GPC6: variants seen among roughly 807,000 people sequenced by gnomAD.
The protein encoded by GPC6 is glypican 6, also known as glypican-6.
Under a neutral mutation model 55.2 loss-of-function variants are expected in GPC6, and 14 were observed. The ratio of observed to expected loss-of-function variants is 0.25; its 90% CI spans 0.17 to 0.40. The LOEUF is 0.40. Among genes scored for constraint, GPC6 ranks in the 10% least tolerant of loss-of-function variants. GPC6 has a pLI of 1.00. For missense variants in GPC6, 641 were observed against 708.5 expected, an observed-to-expected ratio of 0.90 and a Z score of 1.08; for synonymous variants, 278 against 259.6, an observed-to-expected ratio of 1.07 and a Z score of -0.68.
intron 1 of GPC6, among the ~76,000 whole-genome samples, chr13:93,322,322 G>A (rs1435914857): frequency 6.6e-6 from 1 of 151,076 alleles, no homozygotes; most frequent in Non-Finnish European, 1.5e-5. Context: ...AGGCCACAGT[G>A]TGTGTATATG....
chr13:94,035,391 T>G (rs138440941), intron 4 of GPC6, among the ~76,000 whole-genome samples: 2 of 152,170 alleles, frequency 1.3e-5, no homozygotes, highest in East Asian at 3.9e-4. Flanking sequence ...TATTCAAATT[T>G]TAGGAGATAA....
At chr13:94,089,889 G>C (rs1885420127) in intron 4 of GPC6, among the ~76,000 whole-genome samples, 1 of 151,588 alleles carries the variant, frequency 6.6e-6, no homozygotes, top group South Asian at 2.1e-4. Context: ...GAGATTGACT[G>C]TGTTGAAAAA....
At position 93,885,968 on chromosome 13, in the gene GPC6, T is replaced by C. The variant is rs182945662; in HGVS notation, c.711+55423T>C. Among the ~76,000 whole-genome samples the C allele has an allele frequency of 2.3e-3, 345 of 152,200 alleles. 6 individuals are homozygous for C. The highest frequency in any genetic ancestry group is 0.02 in the Admixed American group (300 of 15,250). ...ATTTGCTTTTAGTCGTGAGAAAATG[T>C]AGAGAAGGCACTGTGTTTTATTTCA... On this transcript the variant is annotated intron_variant, in intron 3 of 8. Transcript: ENST00000377047.
In GPC6 at chr13:94,155,058, T is replaced by C. The variant is rs541749900; in HGVS notation, c.877+127164T>C. On this transcript the variant is annotated intron_variant, in intron 4 of 8. Coordinates refer to ENST00000377047, the MANE Select transcript of GPC6 (RefSeq NM_005708.5). ...GTCCTTTAGTCCGGCTCCCTGGGGG[T>C]ACACCTCTAAATTATGCCTTCTAAC... Among the ~76,000 whole-genome samples, 90 of 152,116 alleles carry C rather than the reference T, an allele frequency of 5.9e-4. 1 individual carries two copies. Among genetic ancestry groups the C allele is most frequent in the Admixed American group, 2.7e-3 (41 of 15,256 alleles).
At chr13:93,332,606 T>C (rs1879892965) in intron 1 of GPC6, among the ~76,000 whole-genome samples, 1 of 152,176 alleles carries the variant, frequency 6.6e-6, no homozygotes, top group Admixed American at 6.5e-5. Context: ...ATATTCTTGT[T>C]ATTAATCTCT....
At chr13:93,868,301 C>A (rs1889031221) in intron 3 of GPC6, among the ~76,000 whole-genome samples, 1 of 151,704 alleles carries the variant, frequency 6.6e-6, no homozygotes, top group African/African-American at 2.4e-5. Flanking sequence ...TAGGATAAGA[C>A]CCTCAATCCT....
At chr13:93,342,381 A>T (rs1321222296) in intron 1 of GPC6, among the ~76,000 whole-genome samples, 4 of 152,198 alleles carry the variant, frequency 2.6e-5, no homozygotes, top group Non-Finnish European at 4.4e-5. Context: ...AAGGTGAAGG[A>T]GGAGCAAACC....
intron 3 of GPC6, among the ~76,000 whole-genome samples, chr13:93,883,132 G>A (rs1029384591): frequency 1.0e-4 from 15 of 150,556 alleles, no homozygotes; most frequent in Admixed American, 9.3e-4. Context: ...TGTTCAATAT[G>A]CACTGCTCAG....
chr13:93,372,938 A>G (rs1279263327), intron 1 of GPC6, among the ~76,000 whole-genome samples: 2 of 152,188 alleles, frequency 1.3e-5, no homozygotes, highest in Admixed American at 6.5e-5. Flanking sequence ...ATGGGTGACT[A>G]TAAACAAAAT....
chr13:93,600,027 G>T (rs891215331), intron 2 of GPC6, among the ~76,000 whole-genome samples: 1 of 152,054 alleles, frequency 6.6e-6, no homozygotes, highest in African/African-American at 2.4e-5. Context: ...GAACTTCCAG[G>T]GATAGGTTGT....
At chr13:94,235,097 G>A (rs1890841755) in intron 4 of GPC6, among the ~76,000 whole-genome samples, 1 of 151,930 alleles carries the variant, frequency 6.6e-6, no homozygotes, top group Non-Finnish European at 1.5e-5. Context: ...AATTTACGTT[G>A]GATATTTTTC....
intron 3 of GPC6, among the ~76,000 whole-genome samples, chr13:93,949,058 T>C (rs1879134158): frequency 6.6e-6 from 1 of 152,162 alleles, no homozygotes; most frequent in Non-Finnish European, 1.5e-5. Flanking sequence ...ACTTACCTCT[T>C]CTCCCAACTT....
rs181040956 is a variant in GPC6, at chr13:93,660,581, G to A, written c.319+115160G>A. 3.4e-4 allele frequency among the ~76,000 whole-genome samples: 52 copies of A among 152,288 alleles called. No homozygotes were observed. In the East Asian group the frequency reaches 8.7e-3, roughly 25 times the overall value. ...ATAAATTCAAGCTTTGTCCTTGAGA[G>A]TCAATCTGTTTGTCCAATCTGTTCA... On this transcript the variant is annotated intron_variant, in intron 2 of 8. Coordinates refer to ENST00000377047, the MANE Select transcript of GPC6 (RefSeq NM_005708.5).
chr13:93,840,583 C>T (rs1312524346), intron 3 of GPC6, among the ~76,000 whole-genome samples: 1 of 152,058 alleles, frequency 6.6e-6, no homozygotes, highest in Non-Finnish European at 1.5e-5. Flanking sequence ...TTCCTGTGTT[C>T]AGCTCCTCTT....
intron 4 of GPC6, among the ~76,000 whole-genome samples, chr13:94,168,983 C>A (rs1256089531): frequency 6.6e-6 from 1 of 151,920 alleles, no homozygotes; most frequent in Non-Finnish European, 1.5e-5. Flanking sequence ...AGAAGTTGGA[C>A]CAGGGTAAGT....
chr13:93,802,783 G>A (rs890899637), intron 2 of GPC6, among the ~76,000 whole-genome samples: 4 of 152,218 alleles, frequency 2.6e-5, no homozygotes, highest in Middle Eastern at 3.4e-3. Context: ...TATGACCTAT[G>A]AAAAATAAAT....
chr13:94,312,927 T>A (rs1876331313), intron 6 of GPC6, among the ~76,000 whole-genome samples: 3 of 152,220 alleles, frequency 2.0e-5, no homozygotes, highest in Non-Finnish European at 4.4e-5. Flanking sequence ...AAATGGCTAC[T>A]GCTTCATCCA....
At chr13:94,289,097 A>G (rs932048621) in intron 5 of GPC6, among the ~76,000 whole-genome samples, 8 of 151,028 alleles carry the variant, frequency 5.3e-5, no homozygotes, top group Non-Finnish European at 1.2e-4. Flanking sequence ...CACTTGGCAC[A>G]TAGAAATTGT....
chr13:93,814,251 A>G (rs1886781231), intron 2 of GPC6, among the ~76,000 whole-genome samples: 2 of 152,166 alleles, frequency 1.3e-5, no homozygotes, highest in South Asian at 2.1e-4. Context: ...ATTAACAAAT[A>G]TTACTTGACA....
Sources: gnomAD v4.1 joint callset for allele counts (sites outside exome capture counted in the v4.1 genomes callset) on GRCh38, gnomAD v4.1.1 for gene constraint, MANE v1.5 for transcripts, NCBI Gene and HGNC (gene_info 2026-07-23, HGNC 2026-07-21) for gene names.